Variants in MMRN1 observed in about 807,000 individuals in gnomAD.
The protein encoded by MMRN1 is multimerin 1.
Under a neutral mutation model 100.7 loss-of-function variants are expected in MMRN1, and 94 were observed. The ratio of observed to expected loss-of-function variants is 0.93; its 90% confidence interval spans 0.79 to 1.11. The LOEUF (loss-of-function observed/expected upper bound fraction) is 1.11, where lower values mean the gene tolerates loss of function less well. Among genes scored for constraint, MMRN1 ranks in the 50% least tolerant of loss-of-function variants. The pLI, the probability that MMRN1 is intolerant of heterozygous loss-of-function variation, is 0.00. For synonymous variants in MMRN1, 575 were observed against 505.0 expected (o/e 1.14, Z -1.86); for missense variants, 1,606 against 1,439.1 (o/e 1.12, Z -1.88).
intron 1 of MMRN1, among the ~76,000 whole-genome samples, chr4:89,909,001 C>T (rs1721655955): frequency 6.6e-6 from 1 of 151,342 alleles, no homozygotes; most frequent in Non-Finnish European, 1.5e-5. Context: ...TTTGATTTAT[C>T]TTATAGCTAA....
At chr4:89,945,118 G>A (rs556569752) in intron 6 of MMRN1, among the ~76,000 whole-genome samples, 1 of 152,216 alleles carries the variant, frequency 6.6e-6, no homozygotes, top group East Asian at 1.9e-4. Flanking sequence ...ATATGTGGAG[G>A]CTTTGGAGTC....
chr4:89,919,623 AGAT>A, intron 3 of MMRN1, among the ~76,000 whole-genome samples: 1 of 152,032 alleles, frequency 6.6e-6, no homozygotes, highest in African/African-American at 2.4e-5. Context: ...ACATATTAAA[AGAT>A]GTTCCAGACT....
chr4:89,883,644 T>C (rs1042193098), intron 1 of MMRN1, among the ~76,000 whole-genome samples: 4 of 152,120 alleles, frequency 2.6e-5, no homozygotes, highest in African/African-American at 9.7e-5. Flanking sequence ...TTGAATGGAG[T>C]AATTTGTTCA....
intron 1 of MMRN1, among the ~76,000 whole-genome samples, chr4:89,887,245 T>C (rs566462128): frequency 4.6e-5 from 7 of 152,134 alleles, no homozygotes; most frequent in African/African-American, 1.7e-4. Context: ...TCTACAGATT[T>C]AATGCAATCC....
At chr4:89,925,320 T>G (rs1163768467) in intron 4 of MMRN1, among the ~76,000 whole-genome samples, 1 of 139,694 alleles carries the variant, frequency 7.2e-6, no homozygotes, top group Non-Finnish European at 1.6e-5. Context: ...TTTTTTTTTT[T>G]TTTTTTTTGT....
chr4:89,935,000 G>A lies in MMRN1; in HGVS notation c.1320G>A (p.Gln440=). ...VNESVVSIAA[Q]QKFVLVQENR... ...AATCTGTGGTTTCAATAGCAGCCCA[G>A]CAAAAGTTTGTTTTGGTGCAAGAGA... The change falls in exon 6 of 8, where the codon CAG becomes CAA. Residue 440 remains glutamine (Q), a synonymous_variant. Coordinates refer to ENST00000264790, the MANE Select transcript of MMRN1 (RefSeq NM_007351.3). 6.2e-7 allele frequency: 1 copy of A among 1,612,784 alleles called. No homozygotes were observed. The highest frequency in any genetic ancestry group is 8.5e-7 in the Non-Finnish European group (1 of 1,179,538).
At chr4:89,885,923 T>C (rs976980464) in intron 1 of MMRN1, among the ~76,000 whole-genome samples, 1 of 152,060 alleles carries the variant, frequency 6.6e-6, no homozygotes, top group African/African-American at 2.4e-5. Flanking sequence ...TTCCTTCTAC[T>C]AACTTTGGGA....
intron 6 of MMRN1, among the ~76,000 whole-genome samples, chr4:89,938,849 A>C (rs1234194033): frequency 6.6e-6 from 1 of 152,042 alleles, no homozygotes; most frequent in Non-Finnish European, 1.5e-5. Context: ...TTATTTAAGC[A>C]AAGATACCAA....
intron 3 of MMRN1, among the ~76,000 whole-genome samples, chr4:89,914,402 A>G (rs1203926245): frequency 6.6e-6 from 1 of 151,376 alleles, no homozygotes; most frequent in African/African-American, 2.4e-5. Flanking sequence ...CTAATCTGCT[A>G]CGCACGTACT....
chr4:89,942,914 C>G lies in MMRN1; in HGVS notation c.3118+6116C>G, dbSNP rs535502334. On this transcript the variant is annotated intron_variant, in intron 6 of 7. Coordinates refer to ENST00000264790, the MANE Select transcript of MMRN1 (RefSeq NM_007351.3). ...GTTAATGAACCTTCCTTTCAGAATT[C>G]TTTTCCAGACTTTATAATCTTAAAC... Among the ~76,000 whole-genome samples, 11 of 152,170 alleles carry G rather than the reference C, an allele frequency of 7.2e-5. No individual in the cohort carries two copies. In the East Asian group the frequency reaches 2.1e-3, roughly 29 times the overall value.
chr4:89,903,294 A>G (rs1235111173), intron 1 of MMRN1, among the ~76,000 whole-genome samples: 1 of 151,796 alleles, frequency 6.6e-6, no homozygotes, highest in Non-Finnish European at 1.5e-5. Context: ...AATAGATTCT[A>G]TAACACTTTG....
intron 6 of MMRN1, among the ~76,000 whole-genome samples, chr4:89,938,580 A>C (rs1722729154): frequency 6.7e-6 from 1 of 149,650 alleles, no homozygotes; most frequent in Non-Finnish European, 1.5e-5. Context: ...AATTGAGGAA[A>C]AACATTTATA....
intron 1 of MMRN1, among the ~76,000 whole-genome samples, chr4:89,888,296 A>G (rs1159045862): frequency 6.6e-6 from 1 of 151,910 alleles, no homozygotes; most frequent in Non-Finnish European, 1.5e-5. Context: ...CTTTTGAAGG[A>G]TATTTTTACA....
At chr4:89,892,798 G>T (rs1381787260), upstream of MMRN1, among the ~76,000 whole-genome samples, 1 of 151,964 alleles carries the variant, frequency 6.6e-6, no homozygotes, top group Non-Finnish European at 1.5e-5. Context: ...ATCAGTTATA[G>T]ATCCAATGGG....
At chr4:89,908,731 A>C (rs1330069612) in intron 1 of MMRN1, among the ~76,000 whole-genome samples, 1 of 151,538 alleles carries the variant, frequency 6.6e-6, no homozygotes, top group Non-Finnish European at 1.5e-5. Context: ...GTATTAACTC[A>C]TAAACATTTA....
chr4:89,897,337 T>A (rs1377607928), intron 1 of MMRN1, among the ~76,000 whole-genome samples: 3 of 152,040 alleles, frequency 2.0e-5, no homozygotes, highest in South Asian at 2.1e-4. Flanking sequence ...GCCTTCTGAG[T>A]AGCTGGGACT....
At chr4:89,933,057 G>T (rs1722492514) in intron 5 of MMRN1, among the ~76,000 whole-genome samples, 2 of 152,064 alleles carry the variant, frequency 1.3e-5, no homozygotes, top group Admixed American at 6.6e-5. Flanking sequence ...AAAACTGAAT[G>T]CTTTTAAGAG....
chr4:89,900,301 C>G lies in MMRN1; in HGVS notation c.623+4707C>G, dbSNP rs116138682. Among the ~76,000 whole-genome samples the G allele has an allele frequency of 5.6e-3, 853 of 152,204 alleles. 12 individuals are homozygous for G. Among genetic ancestry groups the G allele is most frequent in the African/African-American group, 0.019 (808 of 41,560 alleles). On this transcript the variant is annotated intron_variant, in intron 1 of 7. Transcript: ENST00000264790. ...CCAAGATCACTGCACTTCATTTCCTCCAGCCACACTGGCTTCCTTTCTGTT... is the reference window on the plus strand; with the variant it reads ...CCAAGATCACTGCACTTCATTTCCTGCAGCCACACTGGCTTCCTTTCTGTT...
At chr4:89,941,516 T>C (rs1296539482) in intron 6 of MMRN1, among the ~76,000 whole-genome samples, 2 of 152,156 alleles carry the variant, frequency 1.3e-5, no homozygotes, top group East Asian at 3.8e-4. Flanking sequence ...ACTCAGCACT[T>C]AGTTTTACTG....
Sources: allele counts gnomAD v4.1 joint callset (sites outside exome capture counted in the v4.1 genomes callset), GRCh38; gene constraint gnomAD v4.1.1; transcripts MANE v1.5; gene names NCBI Gene and HGNC (gene_info 2026-07-23, HGNC 2026-07-21).